Variants in DYNC1I1 observed in about 807,000 individuals in gnomAD.
DYNC1I1 encodes dynein cytoplasmic 1 intermediate chain 1, also known as cytoplasmic dynein 1 intermediate chain 1.
In DYNC1I1, 43 loss-of-function variants were observed where a neutral mutation model predicts 86.6. The ratio of observed to expected loss-of-function variants is 0.50; its 90% CI spans 0.39 to 0.64. The LOEUF is 0.64. Among genes scored for constraint, DYNC1I1 ranks in the 30% least tolerant of loss-of-function variants. DYNC1I1 has a pLI of 0.00. For synonymous variants in DYNC1I1, 262 were observed against 283.7 expected (o/e 0.92, Z 0.77); for missense variants, 604 against 788.8 (o/e 0.77, Z 2.81).
At chr7:95,901,897 A>G (rs745958247) in intron 6 of DYNC1I1, among the ~76,000 whole-genome samples, 6 of 152,234 alleles carry the variant, frequency 3.9e-5, no homozygotes, top group Non-Finnish European at 7.3e-5. Context: ...GCCTCAATCA[A>G]CAACAAGAAC....
chr7:96,027,069 A>C (rs1562976657), intron 10 of DYNC1I1, among the ~76,000 whole-genome samples: 1 of 152,238 alleles, frequency 6.6e-6, no homozygotes, highest in East Asian at 1.9e-4. Flanking sequence ...GTGTTTCTGC[A>C]GAGGATACCT....
chr7:95,781,459 A>T (rs1045477978), intron 1 of DYNC1I1, among the ~76,000 whole-genome samples: 1 of 152,206 alleles, frequency 6.6e-6, no homozygotes, highest in Non-Finnish European at 1.5e-5. Context: ...CTTAAAGTAG[A>T]TAGAAAAGTT....
chr7:95,962,146 G>A (rs1277948382), intron 6 of DYNC1I1, among the ~76,000 whole-genome samples: 1 of 152,110 alleles, frequency 6.6e-6, no homozygotes, highest in African/African-American at 2.4e-5. Flanking sequence ...TAACCTAAAG[G>A]ATGTAGCTAG....
intron 5 of DYNC1I1, among the ~76,000 whole-genome samples, chr7:95,854,852 A>G (rs189025780): frequency 2.8e-4 from 42 of 152,324 alleles, no homozygotes; most frequent in African/African-American, 1.0e-3. Context: ...AGTGAGGTAC[A>G]GAAACAGATG....
chr7:95,787,913 A>T (rs1794191174), intron 1 of DYNC1I1, among the ~76,000 whole-genome samples: 1 of 152,174 alleles, frequency 6.6e-6, no homozygotes, highest in South Asian at 2.1e-4. Context: ...AGCCATTCAG[A>T]TATGTAGGGG....
At chr7:95,963,026 C>T (rs1792913310) in intron 6 of DYNC1I1, among the ~76,000 whole-genome samples, 1 of 152,184 alleles carries the variant, frequency 6.6e-6, no homozygotes, top group Non-Finnish European at 1.5e-5. Context: ...ATTATTTCCT[C>T]TCTGATCTAC....
At chr7:95,839,180 G>A (rs535644814) in intron 5 of DYNC1I1, among the ~76,000 whole-genome samples, 15 of 152,050 alleles carry the variant, frequency 9.9e-5, no homozygotes, top group African/African-American at 1.9e-4. Flanking sequence ...ATAGGCATGC[G>A]CCACCATGCC....
At chr7:96,069,494 G>C (rs1252638462) in intron 14 of DYNC1I1, among the ~76,000 whole-genome samples, 1 of 152,210 alleles carries the variant, frequency 6.6e-6, no homozygotes, top group African/African-American at 2.4e-5. Context: ...TTGGCTGTAA[G>C]AGGTAATTCA....
At chr7:95,864,670 G>A (rs1789972374) in intron 5 of DYNC1I1, among the ~76,000 whole-genome samples, 1 of 152,106 alleles carries the variant, frequency 6.6e-6, no homozygotes, top group African/African-American at 2.4e-5. Context: ...TCTAGCAAAG[G>A]TTCTTGAGCC....
At chr7:95,862,887 T>G (rs76814728) in intron 5 of DYNC1I1, among the ~76,000 whole-genome samples, 16,299 of 152,252 alleles carry the variant, frequency 0.11, 988 homozygotes, top group African/African-American at 0.16. Context: ...CCTGTATAAA[T>G]TAAAACATCT....
chr7:95,931,844 TAATA>T (rs1483286058), intron 6 of DYNC1I1, among the ~76,000 whole-genome samples: 1 of 152,242 alleles, frequency 6.6e-6, no homozygotes, highest in African/African-American at 2.4e-5. Context: ...ATATTTAAAT[TAATA>T]TACAGCTAAA....
At chr7:95,969,677 C>A (rs1472605083) in intron 6 of DYNC1I1, among the ~76,000 whole-genome samples, 1 of 152,126 alleles carries the variant, frequency 6.6e-6, no homozygotes, top group Non-Finnish European at 1.5e-5. Flanking sequence ...TTAAACAGTA[C>A]TATTCTCTGA....
chr7:95,906,850 A>G (rs966837189), intron 6 of DYNC1I1, among the ~76,000 whole-genome samples: 3 of 152,192 alleles, frequency 2.0e-5, no homozygotes, highest in African/African-American at 4.8e-5. Flanking sequence ...CACATTGGGC[A>G]GCCCAGTCTT....
chr7:96,034,891 TTGATGTAAATAGCCAGAAATAC>T (rs1794895576), intron 12 of DYNC1I1, among the ~76,000 whole-genome samples: 1 of 152,206 alleles, frequency 6.6e-6, no homozygotes, highest in Non-Finnish European at 1.5e-5. Flanking sequence ...AATAGGCTAT[TTGATGTAAATAGCCAGAAATAC>T]TCAGGGATAT....
intron 1 of DYNC1I1, among the ~76,000 whole-genome samples, chr7:95,786,272 T>C (rs1382123790): frequency 6.6e-6 from 1 of 152,146 alleles, no homozygotes; most frequent in Non-Finnish European, 1.5e-5. Context: ...ACTGTGCTAT[T>C]CCCCAAACAT....
intron 16 of DYNC1I1, among the ~76,000 whole-genome samples, chr7:96,088,756 T>C (rs1402416302): frequency 1.3e-5 from 2 of 152,160 alleles, no homozygotes; most frequent in African/African-American, 4.8e-5. Context: ...TATTCATGTT[T>C]CCTGTGTAAA....
chr7:95,809,698 T>C (rs1297221719), intron 2 of DYNC1I1, among the ~76,000 whole-genome samples: 1 of 152,164 alleles, frequency 6.6e-6, no homozygotes, highest in African/African-American at 2.4e-5. Context: ...ACATAATGTG[T>C]TTTTAGACAG....
At chr7:95,819,635 G>T (rs962749478) in intron 4 of DYNC1I1, among the ~76,000 whole-genome samples, 1 of 152,136 alleles carries the variant, frequency 6.6e-6, no homozygotes, top group East Asian at 1.9e-4. Flanking sequence ...AATTTAATAA[G>T]ACTATTAAAA....
At chr7:95,894,611 A>G (rs1562936356) in intron 6 of DYNC1I1, among the ~76,000 whole-genome samples, 1 of 152,202 alleles carries the variant, frequency 6.6e-6, no homozygotes, top group Admixed American at 6.5e-5. Flanking sequence ...CACAGTTTAA[A>G]TTTTAAATCA....
Sources: gnomAD v4.1 joint callset for allele counts (sites outside exome capture counted in the v4.1 genomes callset) on GRCh38, gnomAD v4.1.1 for gene constraint, MANE v1.5 for transcripts, NCBI Gene and HGNC (gene_info 2026-07-23, HGNC 2026-07-21) for gene names.